COG3: variants seen among roughly 807,000 people sequenced by gnomAD.
The protein encoded by COG3 is component of oligomeric golgi complex 3.
COG3 carries 32 observed loss-of-function variants against 114.1 expected under a neutral mutation model. The ratio of observed to expected loss-of-function variants is 0.28; its 90% CI spans 0.21 to 0.38. The LOEUF is 0.38. Ranked by LOEUF, COG3 falls within the 10% of genes least tolerant of loss-of-function variation. The probability of loss-of-function intolerance (pLI) is 1.00; values close to 1 mark genes in which losing one functional copy is unlikely to be tolerated. For synonymous variants in COG3, 352 were observed against 365.7 expected (o/e 0.96, Z 0.43); for missense variants, 813 against 973.2 (o/e 0.84, Z 2.19).
Position 45,481,259 on chromosome 13 carries a change from T to A in COG3, c.579T>A (p.Ile193=). 6.3e-7 allele frequency: 1 copy of A among 1,599,342 alleles called. No individual in the cohort carries two copies. The highest frequency in any genetic ancestry group is 8.6e-7 in the Non-Finnish European group (1 of 1,168,534). The part of the protein sequence containing the change: ...QSELVDLAEN[I]QQKLSYFNEL... ...AACTTGTTGATCTGGCTGAAAACAT[T>A]CAACAAAAGCTTTCCTATTTTAACG... The change falls in exon 5 of 23, where the codon ATT becomes ATA. Residue 193 remains isoleucine (I), a synonymous_variant. Transcript: ENST00000349995.
At chr13:45,471,802 G>T (rs1267146080) in intron 1 of COG3, among the ~76,000 whole-genome samples, 2 of 151,572 alleles carry the variant, frequency 1.3e-5, no homozygotes, top group African/African-American at 4.9e-5. Flanking sequence ...GCGCGATCTC[G>T]GCTCACTGCA....
chr13:45,509,935 T>C (rs1870672054), intron 15 of COG3, 119 bp downstream of exon 15: 5 of 1,064,574 alleles, frequency 4.7e-6, no homozygotes, highest in Middle Eastern at 5.2e-4. Flanking sequence ...TTTTTAGATA[T>C]GGAAGTAACT....
chr13:45,510,722 C>T (rs1870764704), intron 15 of COG3, among the ~76,000 whole-genome samples: 1 of 152,166 alleles, frequency 6.6e-6, no homozygotes, highest in African/African-American at 2.4e-5. Context: ...TCTTTTTTCA[C>T]CTAGCTTATA....
intron 21 of COG3, 152 bp from the exon 22 acceptor site, chr13:45,530,530 G>C (rs1375680040): frequency 1.7e-6 from 1 of 573,918 alleles, no homozygotes; most frequent in African/African-American, 1.9e-5. Flanking sequence ...TGCCAGCACT[G>C]AAATATTAAG....
chr13:45,519,422 A>G (rs2985978), intron 19 of COG3, among the ~76,000 whole-genome samples: 51,913 of 152,146 alleles, frequency 0.34, 10,179 homozygotes, highest in Middle Eastern at 0.54. Flanking sequence ...CTGGACCTGC[A>G]TGGCAGCAAC....
At chr13:45,478,946 G>A in intron 2 of COG3, 59 bp from the exon 3 acceptor site, 1 of 1,189,972 alleles carries the variant, frequency 8.4e-7, no homozygotes. Context: ...TTAGCATGTA[G>A]CCACTTTTAA....
intron 19 of COG3, among the ~76,000 whole-genome samples, chr13:45,521,105 G>C (rs1872083937): frequency 1.3e-5 from 2 of 152,146 alleles, no homozygotes; most frequent in Non-Finnish European, 2.9e-5. Flanking sequence ...GGATGGCTGA[G>C]CCCAGTAGTT....
chr13:45,492,280 C>T, intron 11 of COG3, 30 bp downstream of exon 11: 1 of 1,341,338 alleles, frequency 7.5e-7, no homozygotes, highest in Non-Finnish European at 1.1e-6. Context: ...AACTCTTGTT[C>T]ATAAAATTTA....
chr13:45,481,392 G>C (rs770564630), intron 5 of COG3, 88 bp downstream of exon 5: 46 of 704,908 alleles, frequency 6.5e-5, no homozygotes, highest in Non-Finnish European at 8.7e-5. Flanking sequence ...CTATAAATTG[G>C]CTTGAGTGAT....
At chr13:45,486,438 C>T in intron 7 of COG3, 57 bp from the exon 8 acceptor site, 1 of 1,115,348 alleles carries the variant, frequency 9.0e-7, no homozygotes, top group Non-Finnish European at 1.4e-6. Context: ...GTTGGGTTTT[C>T]TGAATTATTT....
At chr13:45,521,802 CTTTTTTT>C (rs59075597) in intron 19 of COG3, among the ~76,000 whole-genome samples, 1 of 111,406 alleles carries the variant, frequency 9.0e-6, no homozygotes. Context: ...ATTTAGTTAG[CTTTTTTT>C]TTTTTTTTTT....
chr13:45,465,105 T>C lies in COG3; in HGVS notation c.69T>C (p.Ala23=), dbSNP rs1566235699. Reference sequence around the variant, plus strand: ...AGCGGGACGCTAGGGAAAAGCTGGCTCTCTGGGATCGGAGACCGGACACGA... The same window carrying C: ...AGCGGGACGCTAGGGAAAAGCTGGCCCTCTGGGATCGGAGACCGGACACGA... ...AAERDAREKL[A]LWDRRPDTTA... The change falls in exon 1 of 23, where the codon GCT becomes GCC. Residue 23 remains alanine, a synonymous_variant. Coordinates refer to ENST00000349995, the MANE Select transcript of COG3 (RefSeq NM_031431.4). 1.2e-6 allele frequency: 2 copies of C among 1,612,574 alleles called. No individual in the cohort carries two copies. The highest frequency in any genetic ancestry group is 2.2e-5 in the East Asian group (1 of 44,844).
intron 2 of COG3, among the ~76,000 whole-genome samples, chr13:45,477,996 A>G (rs1238168476): frequency 6.6e-6 from 1 of 152,178 alleles, no homozygotes; most frequent in Admixed American, 6.5e-5. Flanking sequence ...CTTATTAGAT[A>G]ACGTTAATAT....
chr13:45,508,760 T>A (rs1870523804), intron 14 of COG3, among the ~76,000 whole-genome samples: 1 of 152,270 alleles, frequency 6.6e-6, no homozygotes, highest in East Asian at 1.9e-4. Context: ...TACAGAGGTG[T>A]CTTTGCTCAA....
At chr13:45,518,740 G>T in intron 17 of COG3, 22 bp from the exon 18 acceptor site, 1 of 1,577,588 alleles carries the variant, frequency 6.3e-7, no homozygotes, top group Non-Finnish European at 8.7e-7. Context: ...ATGTTCACTG[G>T]ATGAGTAATT....
intron 1 of COG3, chr13:45,465,567 T>G: frequency 4.9e-6 from 1 of 205,734 alleles, no homozygotes; most frequent in Admixed American, 5.6e-5. Context: ...GCCCACTCTC[T>G]CCCAGAAGGA....
intron 14 of COG3, among the ~76,000 whole-genome samples, chr13:45,509,303 G>A (rs1250924956): frequency 6.6e-6 from 1 of 152,230 alleles, no homozygotes; most frequent in Non-Finnish European, 1.5e-5. Flanking sequence ...ATCCCAAAGT[G>A]CTGGGGTTAC....
intron 13 of COG3, among the ~76,000 whole-genome samples, chr13:45,499,808 G>C (rs1033101816): frequency 3.3e-5 from 5 of 152,142 alleles, no homozygotes; most frequent in Non-Finnish European, 7.3e-5. Flanking sequence ...AATCACTTGA[G>C]CCCAGTAGTT....
At chr13:45,531,668 G>A (rs1593760037) in intron 22 of COG3, among the ~76,000 whole-genome samples, 1 of 151,928 alleles carries the variant, frequency 6.6e-6, no homozygotes, top group Middle Eastern at 3.4e-3. Context: ...CCACCATGCC[G>A]AGCTAATTTT....
Sources: gnomAD v4.1 joint callset for allele counts (sites outside exome capture counted in the v4.1 genomes callset) on GRCh38, gnomAD v4.1.1 for gene constraint, MANE v1.5 for transcripts, NCBI Gene and HGNC (gene_info 2026-07-23, HGNC 2026-07-21) for gene names.